PHRF1: variants seen among roughly 807,000 people sequenced by gnomAD.
PHRF1 encodes the protein PHD and RING finger domain-containing protein 1.
Under a neutral mutation model 128.9 loss-of-function variants are expected in PHRF1, and 53 were observed. That is an observed-to-expected ratio of 0.41 (90% CI 0.33 to 0.52). The LOEUF is 0.52. Among genes scored for constraint, PHRF1 ranks in the 20% least tolerant of loss-of-function variants. The probability of loss-of-function intolerance (pLI) is 0.21; values close to 1 mark genes in which losing one functional copy is unlikely to be tolerated. For synonymous variants in PHRF1, 1,178 were observed against 980.6 expected (o/e 1.20, Z -3.76); for missense variants, 2,503 against 2,284.5 (o/e 1.10, Z -1.95).
Position 610,723 on chromosome 11 carries a change from GC to G in PHRF1, c.4644del (p.Arg1549GlyfsTer2), listed in dbSNP as rs1437690156. On this transcript the variant is annotated frameshift_variant, in exon 16 of 18. Transcript: ENST00000264555. LOFTEE classifies it high-confidence loss of function. Reference sequence around the variant, plus strand: ...CAGCAACTCGGAGGAGAAGACCCCGGCCCCCAGGCTAGCTGCGGAGAAAACC... The same window carrying G: ...CAGCAACTCGGAGGAGAAGACCCCGGCCCCAGGCTAGCTGCGGAGAAAACC... ...AASNSEEKTP[A>X]PRLAAEKTKK... is the part of the protein sequence containing the mutation. 6.2e-7 allele frequency: 1 copy of G among 1,602,416 alleles called. No individual in the cohort carries two copies.
At chr11:602,755 G>GTTTTTT (rs1564857878) in intron 10 of PHRF1, among the ~76,000 whole-genome samples, 2 of 139,514 alleles carry the variant, frequency 1.4e-5, no homozygotes, top group Admixed American at 6.8e-5. Context: ...TTTTGGTTTT[G>GTTTTTT]TTTTTGTTTT....
At chr11:606,702 T>TG (rs566420643) in intron 13 of PHRF1, 106 bp downstream of exon 13, 94 of 1,415,878 alleles carry the variant, frequency 6.6e-5, no homozygotes, top group Non-Finnish European at 8.6e-5. Flanking sequence ...TAGCTGAAGT[T>TG]GGGGGGACCA....
chr11:591,620 G>T (rs988478150), intron 5 of PHRF1, among the ~76,000 whole-genome samples, 153 bp downstream of exon 5: 1 of 152,212 alleles, frequency 6.6e-6, no homozygotes, highest in Non-Finnish European at 1.5e-5. Flanking sequence ...GTGGCCATGA[G>T]CCCTGTCTGG....
intron 6 of PHRF1, among the ~76,000 whole-genome samples, chr11:595,899 CT>C (rs1450835654): frequency 6.6e-6 from 1 of 152,230 alleles, no homozygotes; most frequent in African/African-American, 2.4e-5. Flanking sequence ...CGCCGCCCCC[CT>C]CTGCTGGCCT....
At chr11:577,665 C>T (rs992009087) in intron 1 of PHRF1, among the ~76,000 whole-genome samples, 10 of 152,226 alleles carry the variant, frequency 6.6e-5, no homozygotes, top group African/African-American at 2.2e-4. Flanking sequence ...TTTGAGTTCT[C>T]CTAGCTGATA....
chr11:595,839 A>G (rs548663600), intron 6 of PHRF1, among the ~76,000 whole-genome samples: 5 of 152,222 alleles, frequency 3.3e-5, no homozygotes, highest in Admixed American at 1.3e-4. Context: ...GAGAACTTGT[A>G]TAAGAACAGA....
In PHRF1 at chr11:609,600, G is replaced by A. The variant is rs991847591; in HGVS notation, c.4144G>A (p.Ala1382Thr). 2.5e-6 allele frequency: 4 copies of A among 1,593,256 alleles called. No homozygotes were observed. The highest frequency in any genetic ancestry group is 3.4e-6 in the Non-Finnish European group (4 of 1,171,456). Residue 1382 changes from alanine (A) to threonine (T), a missense_variant, in exon 14 of 18, where the codon GCC becomes ACC. Coordinates refer to ENST00000264555, the MANE Select transcript of PHRF1 (RefSeq NM_001286581.2). ...PSASGRVQEA[A>T]RPEEVVSQTP... is the part of the protein sequence containing the mutation. ...TGCGAGTGGGAGGGTACAGGAGGCA[G>A]CCCGGCCTGAGGAGGTGGTTTCGCA...
At chr11:601,479 G>T in intron 9 of PHRF1, 95 bp from the exon 10 acceptor site, 2 of 1,540,692 alleles carry the variant, frequency 1.3e-6, no homozygotes, top group Non-Finnish European at 1.8e-6. Context: ...CCGCTGTACC[G>T]GCTCCTTGGG....
chr11:599,063 C>T (rs907947382), intron 9 of PHRF1, among the ~76,000 whole-genome samples: 1 of 152,154 alleles, frequency 6.6e-6, no homozygotes, highest in African/African-American at 2.4e-5. Flanking sequence ...GTGGACTGCA[C>T]CTTGTCAGAC....
chr11:606,587 A>G lies in PHRF1; in HGVS notation c.1600A>G (p.Lys534Glu). ...CCACCGCGACGGCTCCCTCAGCGCC[A>G]AGAGGGCGGGTGAGTGCCTTCCCTG... Reference protein sequence around the residue: ...IIHRDGSLSAKRAAPVSFQRN... With the variant: ...IIHRDGSLSAERAAPVSFQRN... The change falls in exon 13 of 18, where the codon AAG becomes GAG. Residue 534 changes from lysine to glutamate, a missense_variant. Coordinates refer to ENST00000264555, the MANE Select transcript of PHRF1 (RefSeq NM_001286581.2). 1 of 1,604,694 alleles carries G rather than the reference A, an allele frequency of 6.2e-7. No individual in the cohort carries two copies. Among genetic ancestry groups the G allele is most frequent in the Non-Finnish European group, 8.5e-7 (1 of 1,176,206 alleles).
chr11:598,623 C>T (rs1171552305), intron 9 of PHRF1, 121 bp downstream of exon 9: 9 of 1,408,994 alleles, frequency 6.4e-6, no homozygotes, highest in African/African-American at 1.4e-5. Context: ...AGTTAATCTT[C>T]TCTGCTGAAA....
At position 605,678 on chromosome 11, in the gene PHRF1, C is replaced by G; in HGVS notation, c.1408C>G (p.Gln470Glu). The G allele has an allele frequency of 1.2e-6, 2 of 1,613,306 alleles. No homozygotes were observed. Among genetic ancestry groups the G allele is most frequent in the South Asian group, 2.2e-5 (2 of 91,088 alleles). ...KRRALSRSALQSHQPVARPVS... is the reference protein window; with the variant it reads ...KRRALSRSALESHQPVARPVS... Reference sequence around the variant, plus strand: ...ACGGGCTCTGTCCCGGTCAGCCCTGCAGTCCCACCAGCCCGTGGCCAGGCC... The same window carrying G: ...ACGGGCTCTGTCCCGGTCAGCCCTGGAGTCCCACCAGCCCGTGGCCAGGCC... Residue 470 changes from glutamine (Q) to glutamate (E), a missense_variant, in exon 12 of 18, where the codon CAG becomes GAG. Gln to Glu is a conservative substitution (Grantham distance 29). Transcript: ENST00000264555.
chr11:611,191 G>C (rs1411047055), intron 17 of PHRF1, 109 bp downstream of exon 17: 1 of 1,523,486 alleles, frequency 6.6e-7, no homozygotes, highest in African/African-American at 1.4e-5. Context: ...CCCGAGGTCA[G>C]CCAGCCAGGT....
At position 610,933 on chromosome 11, in the gene PHRF1, TCACACA is replaced by T; in HGVS notation, c.4678-18_4678-13del. On this transcript the variant is annotated splice_polypyrimidine_tract_variant and intron_variant, in intron 16 of 17. Transcript: ENST00000264555. Reference sequence around the variant, plus strand: ...ACTCCCGGCTCCCTTCCTGGCCGCATCACACACATGTCCCCTCTAGTACATGAAGAA... The same window carrying T: ...ACTCCCGGCTCCCTTCCTGGCCGCATCATGTCCCCTCTAGTACATGAAGAA... 6.2e-7 allele frequency: 1 copy of T among 1,610,630 alleles called. No individual in the cohort carries two copies. Among genetic ancestry groups the T allele is most frequent in the Non-Finnish European group, 8.5e-7 (1 of 1,178,330 alleles).
At position 605,273 on chromosome 11, in the gene PHRF1, A is replaced by C; in HGVS notation, c.1307A>C (p.Asp436Ala). 6.2e-7 allele frequency: 1 copy of C among 1,613,496 alleles called. No individual in the cohort carries two copies. Among genetic ancestry groups the C allele is most frequent in the South Asian group, 1.1e-5 (1 of 91,074 alleles). ...GCTGCCTCTCTGTCTCTGTTTGGAG[A>C]TCCTTATGAGCTGGATCCCTTCGAC... ...IGAASLSLFG[D>A]PYELDPFDSS... Residue 436 changes from aspartate to alanine, a missense_variant, in exon 11 of 18, where the codon GAT (aspartate) becomes GCT (alanine). Asp to Ala is a moderately radical substitution (Grantham distance 126, BLOSUM62 -2). Transcript: ENST00000264555.
chr11:594,587 C>CAG (rs1855174862), intron 6 of PHRF1, among the ~76,000 whole-genome samples: 1 of 152,136 alleles, frequency 6.6e-6, no homozygotes, highest in Non-Finnish European at 1.5e-5. Context: ...TCAGCCTCCT[C>CAG]AGTAGCTGGG....
At position 584,216 on chromosome 11, in the gene PHRF1, G is replaced by C. The variant is rs1854388347; in HGVS notation, c.214+2135G>C. ...CTGCTCCCTCCCAGCATCAGGTTAG[G>C]GCTCTGGTTCATCTGTAGTAGGTCT... On this transcript the variant is annotated intron_variant, in intron 3 of 17. Transcript: ENST00000264555. Among the ~76,000 whole-genome samples, 3 of 152,164 alleles carry C rather than the reference G, an allele frequency of 2.0e-5. No homozygotes were observed. In the South Asian group the frequency reaches 6.2e-4, roughly 32 times the overall value.
chr11:601,610 C>A lies in PHRF1; in HGVS notation c.1061C>A (p.Pro354Gln). Residue 354 changes from proline (P) to glutamine (Q), a missense_variant, in exon 10 of 18, where the codon CCG (proline) becomes CAG (glutamine). Transcript: ENST00000264555. ...RKKVPGRKKT[P>Q]SGPSAKSKSS... ...AAAGTGCCGGGAAGAAAGAAAACCCCGTCCGGACCATCCGCAAAAAGTAAG... is the reference window on the plus strand; with the variant it reads ...AAAGTGCCGGGAAGAAAGAAAACCCAGTCCGGACCATCCGCAAAAAGTAAG... 6.2e-7 allele frequency: 1 copy of A among 1,613,672 alleles called. No homozygotes were observed. The highest frequency in any genetic ancestry group is 8.5e-7 in the Non-Finnish European group (1 of 1,179,856).
intron 9 of PHRF1, among the ~76,000 whole-genome samples, chr11:599,761 G>A (rs994986323): frequency 1.3e-5 from 2 of 151,738 alleles, no homozygotes; most frequent in African/African-American, 4.8e-5. Context: ...TGGGTCTGGT[G>A]CAGGGTCCTG....
Sources: gnomAD v4.1 joint callset for allele counts (sites outside exome capture counted in the v4.1 genomes callset) on GRCh38, gnomAD v4.1.1 for gene constraint, MANE v1.5 for transcripts, NCBI Gene and HGNC (gene_info 2026-07-23, HGNC 2026-07-21) for gene names.